Variants in CCS observed in about 807,000 individuals in gnomAD.
CCS encodes copper chaperone for superoxide dismutase, also known as superoxide dismutase copper chaperone.
CCS carries 32 observed loss-of-function variants against 35.5 expected under a neutral mutation model. The ratio of observed to expected loss-of-function variants is 0.90; its 90% CI spans 0.68 to 1.21. The LOEUF (loss-of-function observed/expected upper bound fraction) is 1.21. CCS is among the 50% of genes most tolerant of loss of function. The probability of loss-of-function intolerance (pLI) is 0.00; values close to 1 mark genes in which losing one functional copy is unlikely to be tolerated. For missense variants in CCS, 342 were observed against 375.4 expected, an observed-to-expected ratio of 0.91 and a Z score of 0.73; for synonymous variants, 130 against 147.2, an observed-to-expected ratio of 0.88 and a Z score of 0.84.
Position 66,593,708 on chromosome 11 carries a change from G to C in CCS, c.106G>C (p.Val36Leu). Residue 36 changes from valine to leucine, a missense_variant, in exon 2 of 8, where the codon GTG (valine) becomes CTG (leucine). By Grantham distance (32) the Val-to-Leu change is conservative. Coordinates refer to ENST00000533244, the MANE Select transcript of CCS (RefSeq NM_005125.2). ...CGCGGTGCGCAAATCCCTGCAAGGG[G>C]TGGCAGGTAAGAACAGGGTAAACTT... ...VDAVRKSLQG[V>L]AGVQDVEVHL... The C allele has an allele frequency of 6.2e-7, 1 of 1,614,048 alleles. No homozygotes were observed. The highest frequency in any genetic ancestry group is 8.5e-7 in the Non-Finnish European group (1 of 1,179,956).
In CCS at chr11:66,599,502, C is replaced by A; in HGVS notation, c.294C>A (p.Thr98=). 6.4e-7 allele frequency: 1 copy of A among 1,560,724 alleles called. No homozygotes were observed. Among genetic ancestry groups the A allele is most frequent in the Non-Finnish European group, 8.6e-7 (1 of 1,157,206 alleles). ...TGGCCATCCTGGGGGGGCCTGGCAC[C>A]GTGCAGGGGGTGGTGCGCTTCCTAC... The part of the protein sequence containing the change: ...AAVAILGGPG[T]VQGVVRFLQL... Residue 98 remains threonine (T), a synonymous_variant, in exon 4 of 8, where the codon ACC becomes ACA. Coordinates refer to ENST00000533244, the MANE Select transcript of CCS (RefSeq NM_005125.2).
At chr11:66,604,965 G>A (rs911734402) in intron 5 of CCS, among the ~76,000 whole-genome samples, 1 of 152,236 alleles carries the variant, frequency 6.6e-6, no homozygotes, top group African/African-American at 2.4e-5. Flanking sequence ...TGAGCTAACT[G>A]GAGGCTGAGA....
intron 2 of CCS, among the ~76,000 whole-genome samples, chr11:66,594,495 G>A (rs535389618): frequency 6.6e-6 from 1 of 151,632 alleles, no homozygotes; most frequent in Non-Finnish European, 1.5e-5. Context: ...GTTTATCCAG[G>A]CCAGGCTCAG....
intron 4 of CCS, 63 bp downstream of exon 4, chr11:66,599,699 C>CAGAGTATTGGTGAGGG: frequency 2.0e-6 from 3 of 1,475,218 alleles, no homozygotes; most frequent in Non-Finnish European, 2.8e-6. Flanking sequence ...TGGGCCCTCA[C>CAGAGTATTGGTGAGGG]CAATACTCTG....
chr11:66,605,444 T>C (rs935365543), intron 6 of CCS, 28 bp downstream of exon 6: 2 of 1,613,880 alleles, frequency 1.2e-6, no homozygotes, highest in East Asian at 4.5e-5. Flanking sequence ...GTGGGCACCC[T>C]TCCTAACAGG....
At chr11:66,593,587 G>C in intron 1 of CCS, 55 bp from the exon 2 acceptor site, 1 of 1,581,140 alleles carries the variant, frequency 6.3e-7, no homozygotes, top group South Asian at 1.1e-5. Context: ...GTGAAACAAA[G>C]TCATACCAAG....
At position 66,599,186 on chromosome 11, in the gene CCS, G is replaced by A; in HGVS notation, c.183G>A (p.Glu61=). 6.2e-7 allele frequency: 1 copy of A among 1,614,044 alleles called. No individual in the cohort carries two copies. The highest frequency in any genetic ancestry group is 8.5e-7 in the Non-Finnish European group (1 of 1,180,008). ...TACACACCACTCTACCCAGCCAGGA[G>A]GTGCAGGCTCTCCTGGAAGGCACGG... is the stretch of plus-strand genomic sequence containing the variant. ...VLVHTTLPSQ[E]VQALLEGTGR... The change falls in exon 3 of 8, where the codon GAG becomes GAA. Residue 61 remains glutamate (E), a synonymous_variant. Coordinates refer to ENST00000533244, the MANE Select transcript of CCS (RefSeq NM_005125.2).
At chr11:66,601,217 C>T (rs1858567174) in intron 5 of CCS, among the ~76,000 whole-genome samples, 2 of 152,186 alleles carry the variant, frequency 1.3e-5, no homozygotes, top group African/African-American at 4.8e-5. Flanking sequence ...CTCAGCCTCC[C>T]TAATAGCTGG....
chr11:66,605,434 G>A lies in CCS; in HGVS notation c.567+18G>A, dbSNP rs1858639418. On this transcript the variant is annotated intron_variant, in intron 6 of 7. Transcript: ENST00000533244. ...AGCTGAAGGTAAGGTGGAAAAGAAG[G>A]TGGGCACCCTTCCTAACAGGGTCCA... is the stretch of plus-strand genomic sequence containing the variant. 3.1e-6 allele frequency: 5 copies of A among 1,614,062 alleles called. No individual in the cohort carries two copies. In the Admixed American group the frequency reaches 6.7e-5, roughly 22 times the overall value.
chr11:66,598,582 T>G (rs558974928), intron 2 of CCS, among the ~76,000 whole-genome samples: 4 of 151,216 alleles, frequency 2.6e-5, no homozygotes, highest in Non-Finnish European at 5.9e-5. Context: ...GATTTGCCTA[T>G]TCTAGATATC....
At chr11:66,604,580 C>T (rs117023679) in intron 5 of CCS, among the ~76,000 whole-genome samples, 340 of 152,244 alleles carry the variant, frequency 2.2e-3, no homozygotes, top group Non-Finnish European at 3.3e-3. Flanking sequence ...CAAAACACAC[C>T]AACTGTTGTA....
intron 5 of CCS, among the ~76,000 whole-genome samples, chr11:66,604,571 A>G (rs773450369): frequency 1.3e-5 from 2 of 152,150 alleles, no homozygotes; most frequent in Non-Finnish European, 2.9e-5. Context: ...TTGTCACCCC[A>G]AAACACACCA....
intron 2 of CCS, among the ~76,000 whole-genome samples, chr11:66,596,639 C>CA (rs1858482176): frequency 6.6e-6 from 1 of 152,192 alleles, no homozygotes; most frequent in East Asian, 1.9e-4. Flanking sequence ...CTTGGCCTCC[C>CA]AAAGTGCTGG....
At chr11:66,601,993 C>G (rs1054838408) in intron 5 of CCS, among the ~76,000 whole-genome samples, 4 of 152,102 alleles carry the variant, frequency 2.6e-5, no homozygotes, top group Admixed American at 2.6e-4. Flanking sequence ...CTTGGCCTCC[C>G]AAAGTGCTGG....
chr11:66,601,236 G>A (rs940555191), intron 5 of CCS, among the ~76,000 whole-genome samples: 11 of 152,104 alleles, frequency 7.2e-5, no homozygotes, highest in Non-Finnish European at 1.3e-4. Flanking sequence ...GGGACTACAG[G>A]TGCACACCAC....
At position 66,600,543 on chromosome 11, in the gene CCS, T is replaced by C. The variant is rs371482988; in HGVS notation, c.483T>C (p.Ser161=). ...CATCTCATGGGGGCCCCCAGGACTCTGACCGGGTAAGTGTCTGTCTGGGTT... is the reference window on the plus strand; with the variant it reads ...CATCTCATGGGGGCCCCCAGGACTCCGACCGGGTAAGTGTCTGTCTGGGTT... ...DGASHGGPQD[S]DRHRGDLGNV... is the part of the protein sequence containing the mutation. Residue 161 remains serine (S), a synonymous_variant, in exon 5 of 8, where the codon TCT becomes TCC. Transcript: ENST00000533244. 1.3e-6 allele frequency: 2 copies of C among 1,521,674 alleles called. No homozygotes were observed. Among genetic ancestry groups the C allele is most frequent in the African/African-American group, 2.8e-5 (2 of 71,340 alleles). 94.3% of individuals were successfully genotyped at this position (1,521,674 alleles called of 1,614,324 possible).
intron 5 of CCS, among the ~76,000 whole-genome samples, chr11:66,604,251 AAAAAAC>A (rs2134985820): frequency 6.6e-6 from 1 of 152,196 alleles, no homozygotes; most frequent in South Asian, 2.1e-4. Context: ...AAACAAGCAA[AAAAAAC>A]CGCTCTTCAG....
intron 5 of CCS, among the ~76,000 whole-genome samples, chr11:66,602,043 C>T (rs891804682): frequency 3.9e-5 from 6 of 152,254 alleles, no homozygotes; most frequent in South Asian, 2.1e-4. Context: ...CACCCTGTCA[C>T]ATTTCTAATG....
At chr11:66,593,431 G>C in intron 1 of CCS, 131 bp downstream of exon 1, 1 of 1,070,874 alleles carries the variant, frequency 9.3e-7, no homozygotes, top group Non-Finnish European at 1.3e-6. Context: ...TGAAACTAGG[G>C]TGCGAGGGTA....
Sources: gnomAD v4.1 joint callset for allele counts (sites outside exome capture counted in the v4.1 genomes callset) on GRCh38, gnomAD v4.1.1 for gene constraint, MANE v1.5 for transcripts, NCBI Gene and HGNC (gene_info 2026-07-23, HGNC 2026-07-21) for gene names.